GRXCR2: variants seen among roughly 807,000 people sequenced by gnomAD.
GRXCR2 encodes the protein glutaredoxin domain-containing cysteine-rich protein 2.
A neutral mutation model predicts 24.8 loss-of-function variants in GRXCR2; 23 were observed. That is an observed-to-expected ratio of 0.93 (90% CI 0.67 to 1.32). The LOEUF (loss-of-function observed/expected upper bound fraction) is 1.32, where lower values mean the gene tolerates loss of function less well. Ranked by LOEUF, GRXCR2 falls within the 40% of genes most tolerant of loss-of-function variation. The probability of loss-of-function intolerance (pLI) is 0.00; values close to 1 mark genes in which losing one functional copy is unlikely to be tolerated. For synonymous variants in GRXCR2, 130 were observed against 116.1 expected (o/e 1.12, Z -0.77); for missense variants, 315 against 303.4 (o/e 1.04, Z -0.28).
At chr5:145,926,735 T>C (rs1757403038) in intron 2 of GRXCR2, among the ~76,000 whole-genome samples, 2 of 152,226 alleles carry the variant, frequency 1.3e-5, no homozygotes, top group Admixed American at 6.5e-5. Context: ...CCATATGAAC[T>C]TCAAAGTAGT....
intron 2 of GRXCR2, among the ~76,000 whole-genome samples, chr5:145,863,432 T>C (rs1042362097): frequency 2.0e-5 from 3 of 152,208 alleles, no homozygotes; most frequent in Non-Finnish European, 4.4e-5. Context: ...AAAACACAGA[T>C]CTCTCCAAAT....
chr5:145,926,219 T>G (rs1044769532), intron 2 of GRXCR2, among the ~76,000 whole-genome samples: 5 of 152,166 alleles, frequency 3.3e-5, no homozygotes, highest in Non-Finnish European at 7.4e-5. Flanking sequence ...TTACAGCAGT[T>G]TCAGAGCTGT....
intron 2 of GRXCR2, among the ~76,000 whole-genome samples, chr5:145,899,254 T>A (rs148991078): frequency 6.6e-6 from 1 of 152,060 alleles, no homozygotes; most frequent in African/African-American, 2.4e-5. Context: ...AGAGAAATCA[T>A]AAATGACACA....
At chr5:145,911,820 G>C (rs555833093) in intron 2 of GRXCR2, among the ~76,000 whole-genome samples, 1 of 152,172 alleles carries the variant, frequency 6.6e-6, no homozygotes, top group Non-Finnish European at 1.5e-5. Context: ...CAGGCGCTGT[G>C]GCTCACACCT....
intron 2 of GRXCR2, among the ~76,000 whole-genome samples, chr5:145,862,964 G>A (rs531341796): frequency 6.6e-6 from 1 of 152,302 alleles, no homozygotes; most frequent in African/African-American, 2.4e-5. Context: ...TTATGATTAT[G>A]ATGAGATGAT....
chr5:145,860,600 A>G (rs1164133985), intron 2 of GRXCR2, among the ~76,000 whole-genome samples: 1 of 152,190 alleles, frequency 6.6e-6, no homozygotes, highest in African/African-American at 2.4e-5. Context: ...GATAAATGTT[A>G]CAATCCTTCA....
Position 145,872,998 on chromosome 5 carries a change from C to G in GRXCR2, c.-30G>C. 6.3e-7 allele frequency: 1 copy of G among 1,592,366 alleles called. No homozygotes were observed. The highest frequency in any genetic ancestry group is 2.2e-5 in the East Asian group (1 of 44,704). ...AGAAAGTTGACCCTGTGGTCTCCAG[C>G]CTTCCGTGCAGCCGGTGAAACTTGG... On this transcript the variant is annotated 5_prime_UTR_variant, in exon 1 of 3. Coordinates refer to ENST00000377976, the MANE Select transcript of GRXCR2 (RefSeq NM_001080516.2).
chr5:145,878,952 A>T (rs942660518), intron 2 of GRXCR2, among the ~76,000 whole-genome samples: 2 of 152,154 alleles, frequency 1.3e-5, no homozygotes, highest in African/African-American at 2.4e-5. Context: ...CTAAGCTTCA[A>T]AAGTGAAGGA....
chr5:145,931,416 C>T (rs1413965118), intron 2 of GRXCR2, among the ~76,000 whole-genome samples: 4 of 152,170 alleles, frequency 2.6e-5, no homozygotes, highest in African/African-American at 9.7e-5. Context: ...TGTATAATGC[C>T]TCTTTGTCCT....
At chr5:145,904,191 C>T (rs1757060963) in intron 2 of GRXCR2, among the ~76,000 whole-genome samples, 1 of 152,092 alleles carries the variant, frequency 6.6e-6, no homozygotes, top group Non-Finnish European at 1.5e-5. Context: ...GATCCTCAAT[C>T]CCACCCCAGG....
At position 145,872,948 on chromosome 5, in the gene GRXCR2, C is replaced by T; in HGVS notation, c.21G>A (p.Lys7=). The T allele has an allele frequency of 6.2e-7, 1 of 1,614,070 alleles. No homozygotes were observed. The highest frequency in any genetic ancestry group is 8.5e-7 in the Non-Finnish European group (1 of 1,179,924). MEDPEK[K]LNQKSDGKPR... is the part of the protein sequence containing the mutation. ...GTTTGCCATCACTCTTCTGATTCAGCTTTTTCTCAGGGTCCTCCATCAGCA... is the reference window on the plus strand; with the variant it reads ...GTTTGCCATCACTCTTCTGATTCAGTTTTTTCTCAGGGTCCTCCATCAGCA... The change falls in exon 1 of 3, where the codon AAG becomes AAA. Residue 7 remains lysine (K), a synonymous_variant. Transcript: ENST00000377976.
At chr5:145,885,207 T>C (rs1756761890) in intron 2 of GRXCR2, among the ~76,000 whole-genome samples, 1 of 152,062 alleles carries the variant, frequency 6.6e-6, no homozygotes, top group African/African-American at 2.4e-5. Flanking sequence ...GTTATTATAG[T>C]TATTGATCAT....
intron 2 of GRXCR2, among the ~76,000 whole-genome samples, chr5:145,880,587 C>T (rs994882819): frequency 3.9e-5 from 6 of 152,038 alleles, no homozygotes; most frequent in Non-Finnish European, 7.4e-5. Flanking sequence ...GATTCACAGC[C>T]GAATTCTACC....
rs564429667 is a variant in GRXCR2 at position 145,894,557 on chromosome 5, C to T, written c.-69-27829G>A. 1.5e-3 allele frequency among the ~76,000 whole-genome samples: 227 copies of T among 152,276 alleles called. 2 individuals are homozygous for T. The highest frequency in any genetic ancestry group is 5.3e-3 in the African/African-American group (220 of 41,558). On this transcript the variant is annotated intron_variant, in intron 2 of 3. Coordinates refer to the GRXCR2 transcript ENST00000639411. Reference sequence around the variant, plus strand: ...GAAGAAATGCATAAATTCCTGGACACATACACCCTCCCAAGAATAAACCAG... The same window carrying T: ...GAAGAAATGCATAAATTCCTGGACATATACACCCTCCCAAGAATAAACCAG...
At chr5:145,887,118 C>G (rs1389518698) in intron 2 of GRXCR2, among the ~76,000 whole-genome samples, 1 of 152,118 alleles carries the variant, frequency 6.6e-6, no homozygotes, top group African/African-American at 2.4e-5. Flanking sequence ...TTCTTTGAGA[C>G]AGGATCTCAC....
chr5:145,861,971 T>G (rs1409402997), intron 2 of GRXCR2, among the ~76,000 whole-genome samples: 1 of 152,254 alleles, frequency 6.6e-6, no homozygotes, highest in South Asian at 2.1e-4. Context: ...TACCCTTTCG[T>G]TAATATTTTA....
intron 2 of GRXCR2, among the ~76,000 whole-genome samples, chr5:145,880,272 A>T (rs1247707009): frequency 3.3e-5 from 5 of 152,154 alleles, no homozygotes; most frequent in African/African-American, 1.2e-4. Flanking sequence ...TTTTTCGAAA[A>T]GATCAACAAA....
In GRXCR2 at chr5:145,917,697, C is replaced by A. The variant is rs1258993132; in HGVS notation, c.-70+18004G>T. On this transcript the variant is annotated intron_variant, in intron 2 of 3. Coordinates refer to the GRXCR2 transcript ENST00000639411. ...GATTATTAGGTTCAGGTGCCATGGA[C>A]TAGCCTCAAGAGTAGGTGGTGAACA... 2.0e-5 allele frequency among the ~76,000 whole-genome samples: 3 copies of A among 152,192 alleles called. No individual in the cohort carries two copies. In the East Asian group the frequency reaches 5.8e-4, roughly 29 times the overall value.
chr5:145,882,674 A>G (rs1246904738), intron 2 of GRXCR2, among the ~76,000 whole-genome samples: 4 of 152,214 alleles, frequency 2.6e-5, no homozygotes, highest in Non-Finnish European at 5.9e-5. Flanking sequence ...ATTACTGGGT[A>G]TATACCCAAA....
Sources: gnomAD v4.1 joint callset for allele counts (sites outside exome capture counted in the v4.1 genomes callset) on GRCh38, gnomAD v4.1.1 for gene constraint, MANE v1.5 for transcripts, NCBI Gene and HGNC (gene_info 2026-07-23, HGNC 2026-07-21) for gene names.